The following SBF2 variants were observed in gnomAD, a reference collection of about 807,000 sequenced individuals.
SBF2 encodes the protein SET binding factor 2.
In SBF2, 112 loss-of-function variants were observed where a neutral mutation model predicts 225.2. That is an observed-to-expected ratio of 0.50 (90% confidence interval 0.43 to 0.58). SBF2 has a LOEUF of 0.58. Ranked by LOEUF, SBF2 falls within the 20% of genes least tolerant of loss-of-function variation. The pLI, the probability that SBF2 is intolerant of heterozygous loss-of-function variation, is 0.00. For synonymous variants in SBF2, 763 were observed against 773.3 expected (o/e 0.99, Z 0.22); for missense variants, 1,996 against 2,206.2 (o/e 0.90, Z 1.91).
intron 12 of SBF2, 79 bp downstream of exon 12, chr11:9,992,336 T>A: frequency 1.8e-6 from 2 of 1,120,770 alleles, no homozygotes; most frequent in Non-Finnish European, 2.5e-6. Flanking sequence ...TATATAAATA[T>A]GGAAAATGTT....
At chr11:10,087,545 G>C (rs991127501) in intron 2 of SBF2, among the ~76,000 whole-genome samples, 7 of 152,080 alleles carry the variant, frequency 4.6e-5, no homozygotes, top group Non-Finnish European at 8.8e-5. Flanking sequence ...CCCATATCTG[G>C]CTAAAACATT....
chr11:9,876,319 C>T (rs764201783), intron 17 of SBF2, among the ~76,000 whole-genome samples: 3 of 152,192 alleles, frequency 2.0e-5, no homozygotes, highest in African/African-American at 7.2e-5. Context: ...AATGCCCTCC[C>T]TGTTTGCTCT....
chr11:10,220,131 A>C (rs1285982063), intron 1 of SBF2, among the ~76,000 whole-genome samples: 1 of 152,186 alleles, frequency 6.6e-6, no homozygotes, highest in East Asian at 1.9e-4. Context: ...ATGGCTCAGG[A>C]GGCCTCACAA....
At chr11:9,968,270 C>T in intron 14 of SBF2, 71 bp downstream of exon 14, 1 of 1,366,506 alleles carries the variant, frequency 7.3e-7, no homozygotes, top group Non-Finnish European at 1.0e-6. Flanking sequence ...CATCAAATTG[C>T]ACACTTTTCC....
Position 10,294,182 on chromosome 11 carries a change from C to G in SBF2, c.-113G>C. On this transcript the variant is annotated 5_prime_UTR_variant, in exon 1 of 40. Transcript: ENST00000256190. Reference sequence around the variant, plus strand: ...CCTGCAGCGGCAGTAGCGGCAGCGGCAGCGCTTCAGCCATGTTTGACAACC... The same window carrying G: ...CCTGCAGCGGCAGTAGCGGCAGCGGGAGCGCTTCAGCCATGTTTGACAACC... 1.3e-6 allele frequency: 1 copy of G among 793,690 alleles called. No homozygotes were observed. Among genetic ancestry groups the G allele is most frequent in the Non-Finnish European group, 1.7e-6 (1 of 584,594 alleles). The allele number at this position is 793,690 out of a possible 1,614,324, so 49.2% of individuals were successfully genotyped here.
chr11:9,977,309 C>A (rs1223289680), intron 13 of SBF2, among the ~76,000 whole-genome samples: 1 of 151,804 alleles, frequency 6.6e-6, no homozygotes, highest in Admixed American at 6.6e-5. Context: ...CATAGTGAGA[C>A]CCTATCTCTA....
chr11:9,844,002 A>G (rs1856362091), intron 24 of SBF2: 1 of 152,244 alleles, frequency 6.6e-6, no homozygotes, highest in African/African-American at 2.4e-5. Context: ...TGCAGCTGAT[A>G]TAACAGGCTT....
intron 1 of SBF2, among the ~76,000 whole-genome samples, chr11:10,277,132 C>CAAAAAA (rs11310738): frequency 8.2e-5 from 6 of 73,482 alleles, no homozygotes; most frequent in East Asian, 4.7e-4. Flanking sequence ...GACCCCATCT[C>CAAAAAA]AAAAAAAAAA....
At chr11:10,087,033 T>A (rs190321120) in intron 2 of SBF2, among the ~76,000 whole-genome samples, 1 of 152,346 alleles carries the variant, frequency 6.6e-6, no homozygotes, top group East Asian at 1.9e-4. Context: ...TAAGATGTGC[T>A]ATTATTTTAT....
intron 16 of SBF2, among the ~76,000 whole-genome samples, chr11:9,930,504 C>T (rs991268263): frequency 2.0e-5 from 3 of 152,030 alleles, no homozygotes; most frequent in East Asian, 1.9e-4. Flanking sequence ...TCCTTTGTAT[C>T]CCTTTTCTTG....
intron 26 of SBF2, chr11:9,838,222 T>C (rs981315522): frequency 1.2e-4 from 19 of 152,170 alleles, no homozygotes; most frequent in African/African-American, 4.3e-4. Context: ...TTTTGGATTA[T>C]TTTTTATTAT....
intron 2 of SBF2, among the ~76,000 whole-genome samples, chr11:10,185,790 T>C (rs1194108123): frequency 6.6e-6 from 1 of 152,136 alleles, no homozygotes; most frequent in Non-Finnish European, 1.5e-5. Flanking sequence ...GTGGCTGTGG[T>C]ACCGCTAATT....
rs545178321 is a variant in SBF2 at position 9,831,294 on chromosome 11, T to A, written c.3652+930A>T. On this transcript the variant is annotated intron_variant, in intron 27 of 39. Coordinates refer to ENST00000256190, the MANE Select transcript of SBF2 (RefSeq NM_030962.4). ...GACTACAGGCATGAGCCATTGCACCTGGCCCCTTCTTATGTTCTAACATAC... is the reference window on the plus strand; with the variant it reads ...GACTACAGGCATGAGCCATTGCACCAGGCCCCTTCTTATGTTCTAACATAC... Among the ~76,000 whole-genome samples, 20 of 152,372 alleles carry A rather than the reference T, an allele frequency of 1.3e-4. No homozygotes were observed. The South Asian group carries it at 2.1e-3, about 16-fold the overall frequency.
intron 19 of SBF2, 128 bp downstream of exon 19, chr11:9,856,330 T>A: frequency 1.7e-6 from 2 of 1,207,598 alleles, no homozygotes; most frequent in Non-Finnish European, 2.4e-6. Context: ...AGTCCAAAGG[T>A]GAGGAAAAAT....
intron 16 of SBF2, chr11:9,959,230 G>C (rs1866398123): frequency 3.9e-6 from 3 of 776,636 alleles, no homozygotes; most frequent in Non-Finnish European, 7.2e-6. Context: ...CTCAGCATTA[G>C]TCCCTGCAAT....
chr11:9,908,208 T>G (rs372293983), intron 16 of SBF2, among the ~76,000 whole-genome samples: 1 of 102,042 alleles, frequency 9.8e-6, no homozygotes, highest in Non-Finnish European at 2.5e-5. Context: ...TTGAAGAAAA[T>G]TTTTTTCTTA....
At chr11:9,894,459 G>A (rs1229634816) in intron 17 of SBF2, among the ~76,000 whole-genome samples, 9 of 152,064 alleles carry the variant, frequency 5.9e-5, no homozygotes, top group African/African-American at 1.4e-4. Flanking sequence ...GGAGGTTGCA[G>A]CGAGCTGAAA....
chr11:9,988,466 C>A (rs1393467837), intron 13 of SBF2, among the ~76,000 whole-genome samples: 3 of 152,158 alleles, frequency 2.0e-5, no homozygotes, highest in Non-Finnish European at 4.4e-5. Context: ...AGTAAACAGA[C>A]AACCCACAGA....
At chr11:10,081,655 G>C (rs1951368203) in intron 2 of SBF2, among the ~76,000 whole-genome samples, 1 of 151,650 alleles carries the variant, frequency 6.6e-6, no homozygotes, top group Non-Finnish European at 1.5e-5. Context: ...AGCTACTCGG[G>C]AGGCTGAGGC....
Sources: allele counts gnomAD v4.1 joint callset (sites outside exome capture counted in the v4.1 genomes callset), GRCh38; gene constraint gnomAD v4.1.1; transcripts MANE v1.5; gene names NCBI Gene and HGNC (gene_info 2026-07-23, HGNC 2026-07-21).